KCND3: variants seen among roughly 807,000 people sequenced by gnomAD.
KCND3 encodes the protein potassium voltage-gated channel subfamily D member 3.
A neutral mutation model predicts 51.1 loss-of-function variants in KCND3; 9 were observed. The observed-to-expected ratio is 0.18, with a 90% CI of 0.11 to 0.31. The LOEUF is 0.31. Ranked by LOEUF, KCND3 falls within the 10% of genes least tolerant of loss-of-function variation. The pLI is 1.00. For missense variants in KCND3, 526 were observed against 903.8 expected, an observed-to-expected ratio of 0.58 and a Z score of 5.36; for synonymous variants, 349 against 368.0, an observed-to-expected ratio of 0.95 and a Z score of 0.59.
At chr1:111,914,708 T>C (rs900676802) in intron 2 of KCND3, among the ~76,000 whole-genome samples, 2 of 152,156 alleles carry the variant, frequency 1.3e-5, no homozygotes, top group African/African-American at 4.8e-5. Context: ...TAAATACTTT[T>C]TCAGATCAAA....
intron 2 of KCND3, among the ~76,000 whole-genome samples, chr1:111,792,817 T>C (rs1664893778): frequency 6.6e-6 from 1 of 151,532 alleles, no homozygotes; most frequent in African/African-American, 2.4e-5. Flanking sequence ...CACCATACTT[T>C]CTAAACTGGA....
intron 2 of KCND3, among the ~76,000 whole-genome samples, chr1:111,861,950 AC>A (rs1668356174): frequency 6.6e-6 from 1 of 152,028 alleles, no homozygotes; most frequent in Admixed American, 6.6e-5. Context: ...AAGGAATCCA[AC>A]CCCACATCAT....
At chr1:111,912,027 AG>A (rs1670974812) in intron 2 of KCND3, among the ~76,000 whole-genome samples, 1 of 152,222 alleles carries the variant, frequency 6.6e-6, no homozygotes, top group Admixed American at 6.5e-5. Flanking sequence ...GCTATCTGAA[AG>A]GGGATCCACT....
chr1:111,932,241 T>C (rs1452771372), intron 2 of KCND3, among the ~76,000 whole-genome samples: 1 of 152,140 alleles, frequency 6.6e-6, no homozygotes, highest in Non-Finnish European at 1.5e-5. Flanking sequence ...AATTACCCTA[T>C]GTCAGAAAAG....
chr1:111,803,730 G>A (rs2101552724), intron 2 of KCND3, among the ~76,000 whole-genome samples: 1 of 152,318 alleles, frequency 6.6e-6, no homozygotes, highest in Middle Eastern at 3.4e-3. Context: ...GCAGTGTGCT[G>A]AAGCCAGGTG....
chr1:111,845,333 C>G (rs2101650648), intron 2 of KCND3, among the ~76,000 whole-genome samples: 1 of 152,268 alleles, frequency 6.6e-6, no homozygotes, highest in South Asian at 2.1e-4. Context: ...TTTAAAGGCT[C>G]CCCACAGTGC....
At chr1:111,902,710 C>T (rs1045333102) in intron 2 of KCND3, among the ~76,000 whole-genome samples, 13 of 152,312 alleles carry the variant, frequency 8.5e-5, no homozygotes, top group African/African-American at 2.9e-4. Flanking sequence ...CCTTTCTGAT[C>T]CTTTGTTTTC....
chr1:111,906,189 C>T (rs1670642243), intron 2 of KCND3, among the ~76,000 whole-genome samples: 1 of 152,142 alleles, frequency 6.6e-6, no homozygotes, highest in South Asian at 2.1e-4. Flanking sequence ...AGCTATCAGG[C>T]TGTGAAAGAA....
intron 2 of KCND3, among the ~76,000 whole-genome samples, chr1:111,960,721 T>C (rs917549982): frequency 2.0e-5 from 3 of 152,062 alleles, no homozygotes; most frequent in African/African-American, 7.2e-5. Context: ...TCAGCTGGGG[T>C]TGGGGGAACA....
Position 111,829,828 on chromosome 1 carries a change from G to T in KCND3, c.1107-42722C>A, listed in dbSNP as rs149444830. 3.1e-4 allele frequency among the ~76,000 whole-genome samples: 47 copies of T among 152,294 alleles called. 1 individual carries two copies. In the East Asian group the frequency reaches 6.6e-3, roughly 21 times the overall value. On this transcript the variant is annotated intron_variant, in intron 2 of 7. Transcript: ENST00000302127. Reference sequence around the variant, plus strand: ...ATTATCCCCCCCAAATGCTTCTCCTGTTGGGTGCCCAAATCACAGTAGACC... The same window carrying T: ...ATTATCCCCCCCAAATGCTTCTCCTTTTGGGTGCCCAAATCACAGTAGACC...
chr1:111,934,283 A>T (rs1244406413), intron 2 of KCND3, among the ~76,000 whole-genome samples: 1 of 152,186 alleles, frequency 6.6e-6, no homozygotes, highest in African/African-American at 2.4e-5. Flanking sequence ...CCCCCAGCCC[A>T]TTCCATCTCT....
At chr1:111,784,882 G>T (rs1021919274) in intron 3 of KCND3, among the ~76,000 whole-genome samples, 1 of 152,038 alleles carries the variant, frequency 6.6e-6, no homozygotes, top group Admixed American at 6.5e-5. Context: ...GAAGGAAGAA[G>T]CCTGAGTTGC....
chr1:111,888,195 G>A (rs1247164273), intron 2 of KCND3, among the ~76,000 whole-genome samples: 2 of 152,260 alleles, frequency 1.3e-5, no homozygotes, highest in Admixed American at 1.3e-4. Context: ...AGGGGCAGCA[G>A]AGCATTGCCC....
chr1:111,885,122 T>C (rs1669508981), intron 2 of KCND3, among the ~76,000 whole-genome samples: 1 of 152,188 alleles, frequency 6.6e-6, no homozygotes, highest in Non-Finnish European at 1.5e-5. Context: ...CCTAGTTCTG[T>C]AGTGAGATAT....
chr1:111,816,225 G>A (rs914960960), intron 2 of KCND3, among the ~76,000 whole-genome samples: 4 of 152,330 alleles, frequency 2.6e-5, no homozygotes, highest in South Asian at 2.1e-4. Flanking sequence ...GGTGGGGTCC[G>A]AGCACTGGAG....
At chr1:111,880,048 A>G (rs976771937) in intron 2 of KCND3, among the ~76,000 whole-genome samples, 10 of 152,180 alleles carry the variant, frequency 6.6e-5, no homozygotes, top group Non-Finnish European at 1.2e-4. Flanking sequence ...TTATACATGT[A>G]TATGTAGTGA....
chr1:111,937,911 G>A (rs1248619465), intron 2 of KCND3, among the ~76,000 whole-genome samples: 1 of 152,170 alleles, frequency 6.6e-6, no homozygotes, highest in Admixed American at 6.5e-5. Flanking sequence ...CTTTTCTAAA[G>A]TTACCACATT....
At chr1:111,896,867 C>T (rs1457915160) in intron 2 of KCND3, among the ~76,000 whole-genome samples, 3 of 152,154 alleles carry the variant, frequency 2.0e-5, no homozygotes, top group Non-Finnish European at 2.9e-5. Flanking sequence ...TCAGTTCCAC[C>T]ATCATAAGTA....
At chr1:111,929,788 C>A (rs550383177) in intron 2 of KCND3, among the ~76,000 whole-genome samples, 3 of 152,200 alleles carry the variant, frequency 2.0e-5, no homozygotes, top group South Asian at 2.1e-4. Flanking sequence ...CCCCAGCAGA[C>A]GCACATTGTT....
Sources: gnomAD v4.1 joint callset for allele counts (sites outside exome capture counted in the v4.1 genomes callset) on GRCh38, gnomAD v4.1.1 for gene constraint, MANE v1.5 for transcripts, NCBI Gene and HGNC (gene_info 2026-07-23, HGNC 2026-07-21) for gene names.